Variants in POMT2 observed in about 807,000 individuals in gnomAD.
POMT2 encodes protein O-mannosyl-transferase 2.
Under a neutral mutation model 100.0 loss-of-function variants are expected in POMT2, and 75 were observed. The ratio of observed to expected loss-of-function variants is 0.75; its 90% CI spans 0.62 to 0.91. POMT2 has a LOEUF of 0.91. Ranked by LOEUF, POMT2 falls within the 40% of genes least tolerant of loss-of-function variation. The probability of loss-of-function intolerance (pLI) is 0.00; values close to 1 mark genes in which losing one functional copy is unlikely to be tolerated. For missense variants in POMT2, 940 were observed against 955.1 expected, an observed-to-expected ratio of 0.98 and a Z score of 0.21; for synonymous variants, 378 against 374.1, an observed-to-expected ratio of 1.01 and a Z score of -0.12.
At chr14:77,287,099 G>C (rs999444133) in intron 11 of POMT2, 3 of 472,608 alleles carry the variant, frequency 6.3e-6, no homozygotes, top group Non-Finnish European at 1.1e-5. Flanking sequence ...AGGGAGGTGG[G>C]GGGCGACTTT....
chr14:77,284,211 G>T (rs1890334812), intron 14 of POMT2: 18 of 371,808 alleles, frequency 4.8e-5, no homozygotes, highest in South Asian at 3.8e-4. Context: ...CCGAGTCACT[G>T]TGGCCCTTTG....
intron 12 of POMT2, among the ~76,000 whole-genome samples, chr14:77,286,513 G>A (rs1168818562): frequency 1.3e-5 from 2 of 152,210 alleles, no homozygotes; most frequent in Non-Finnish European, 2.9e-5. Context: ...ATCAGAGCAT[G>A]TAAATGGCAT....
At position 77,277,005 on chromosome 14, in the gene POMT2, A is replaced by G; in HGVS notation, c.*371T>C. The G allele has an allele frequency of 4.1e-6, 1 of 246,570 alleles. No homozygotes were observed. The highest frequency in any genetic ancestry group is 8.3e-5 in the East Asian group (1 of 11,992). 15.3% of individuals were successfully genotyped at this position (246,570 alleles called of 1,614,324 possible). The stretch of plus-strand genomic sequence containing the variant: ...ATATTACTATAGCCTGGACTATTTT[A>G]GAGTTTATGACACTCAGCTGTCCAG... On this transcript the variant is annotated 3_prime_UTR_variant, in exon 21 of 21. Transcript: ENST00000261534.
In POMT2 at chr14:77,280,396, T is replaced by A. The variant is rs142870987; in HGVS notation, c.1721A>T (p.Tyr574Phe). 5.0e-6 allele frequency: 8 copies of A among 1,613,950 alleles called. No homozygotes were observed. The African/African-American group carries it at 1.1e-4, about 22-fold the overall frequency. Residue 574 changes from tyrosine (Y) to phenylalanine (F), a missense_variant, in exon 16 of 21, where the codon TAT (tyrosine) becomes TTT (phenylalanine). Physicochemically the swap from Tyr to Phe is conservative, Grantham distance 22. Transcript: ENST00000261534. Reference protein sequence around the residue: ...TSKPWHWPINYQGLRFSGVND... With the variant: ...TSKPWHWPINFQGLRFSGVND... ...AGCCCCAGCCTTGGATCCTACCTGA[T>A]AGTTGATAGGCCAGTGCCAGGGTTT...
At chr14:77,296,347 G>GA in intron 8 of POMT2, 74 bp from the exon 9 acceptor site, 1 of 1,020,826 alleles carries the variant, frequency 9.8e-7, no homozygotes, top group Non-Finnish European at 1.5e-6. Flanking sequence ...GAGGAGCCTC[G>GA]GAAGCCACAG....
At chr14:77,315,126 T>A (rs1423017330) in intron 1 of POMT2, among the ~76,000 whole-genome samples, 1 of 151,880 alleles carries the variant, frequency 6.6e-6, no homozygotes, top group Non-Finnish European at 1.5e-5. Flanking sequence ...AGGTCCCACA[T>A]CTCCACCCTA....
At chr14:77,300,289 C>G (rs1890973533) in intron 6 of POMT2, 1 of 155,292 alleles carries the variant, frequency 6.4e-6, no homozygotes, top group African/African-American at 2.4e-5. Flanking sequence ...CTCCTAGATA[C>G]ACCTCTCACT....
At chr14:77,306,600 A>G in intron 2 of POMT2, 159 bp from the exon 3 acceptor site, 1 of 724,876 alleles carries the variant, frequency 1.4e-6, no homozygotes, top group Non-Finnish European at 2.3e-6. Context: ...CAGCTGCCAC[A>G]GAGCAAAGAA....
intron 1 of POMT2, among the ~76,000 whole-genome samples, chr14:77,318,781 G>A (rs1305471709): frequency 6.7e-6 from 1 of 148,974 alleles, no homozygotes; most frequent in African/African-American, 2.5e-5. Context: ...TGTCGCCTAG[G>A]CTGGAATGCA....
chr14:77,287,305 T>G lies in POMT2; in HGVS notation c.1254-483A>C, dbSNP rs140788109. The G allele has an allele frequency of 6.0e-3, 941 of 156,712 alleles. 10 individuals carry two copies. The highest frequency in any genetic ancestry group is 0.021 in the African/African-American group (891 of 41,636). The allele number at this position is 156,712 out of a possible 1,614,324, so 9.7% of individuals were successfully genotyped here. A position where few individuals can be genotyped will look rare whatever the true frequency, so the allele number is the denominator to read the frequency against. On this transcript the variant is annotated intron_variant, in intron 11 of 20. Transcript: ENST00000261534. ...GATGAGAGGGGTTTAATTTAGCTTT[T>G]ATTTAGTTTTATATAACAACTCTCA... is the stretch of plus-strand genomic sequence containing the variant.
chr14:77,280,160 C>T, intron 16 of POMT2, 80 bp from the exon 17 acceptor site: 1 of 1,608,922 alleles, frequency 6.2e-7, no homozygotes, highest in Non-Finnish European at 8.5e-7. Context: ...AGATGGTCAC[C>T]TTCCACAGAC....
intron 13 of POMT2, 140 bp from the exon 14 acceptor site, chr14:77,285,181 C>A: frequency 1.2e-6 from 1 of 844,470 alleles, no homozygotes. Flanking sequence ...CCATGTTGGA[C>A]AACTATCCTA....
intron 20 of POMT2, 158 bp downstream of exon 20, chr14:77,278,236 T>G (rs1316452049): frequency 1.5e-6 from 1 of 679,938 alleles, no homozygotes; most frequent in East Asian, 2.7e-5. Context: ...CCTGGGGGAC[T>G]CTGGAAACCA....
rs138170840 is a variant in POMT2, at chr14:77,297,112, C to T, written c.1007-839G>A. 2.5e-3 allele frequency among the ~76,000 whole-genome samples: 377 copies of T among 152,342 alleles called. 2 individuals are homozygous for T. The highest frequency in any genetic ancestry group is 8.3e-3 in the African/African-American group (344 of 41,572). On this transcript the variant is annotated intron_variant, in intron 8 of 20. Transcript: ENST00000261534. The stretch of plus-strand genomic sequence containing the variant: ...AGGATTAAAGAGAGGACGACTTGAT[C>T]GAAGAGGTGACAGCTGAACTAGGCC...
intron 8 of POMT2, 134 bp downstream of exon 8, chr14:77,298,555 G>C (rs1308994809): frequency 1.1e-6 from 1 of 913,880 alleles, no homozygotes; most frequent in South Asian, 1.4e-5. Context: ...ATTTTCACCA[G>C]ATCTATCTGG....
chr14:77,288,498 C>G (rs926563363), intron 11 of POMT2, among the ~76,000 whole-genome samples: 1 of 151,856 alleles, frequency 6.6e-6, no homozygotes, highest in African/African-American at 2.4e-5. Flanking sequence ...TAGTGAGACT[C>G]TGTCTCAAAA....
chr14:77,313,627 A>T (rs1891519284), intron 1 of POMT2, among the ~76,000 whole-genome samples: 1 of 152,248 alleles, frequency 6.6e-6, no homozygotes, highest in Non-Finnish European at 1.5e-5. Flanking sequence ...CTGTCCTGAC[A>T]TTTGTGGTTA....
chr14:77,278,341 G>A (rs1785650624), intron 20 of POMT2, 53 bp downstream of exon 20: 5 of 1,345,900 alleles, frequency 3.7e-6, no homozygotes, highest in Admixed American at 3.9e-5. Context: ...CATCAGGGCT[G>A]AGGCACTGCT....
At chr14:77,284,257 G>A (rs761860722) in intron 14 of POMT2, 39 of 314,716 alleles carry the variant, frequency 1.2e-4, no homozygotes, top group Middle Eastern at 1.1e-3. Flanking sequence ...CATTCTGGAC[G>A]CCTGGAGCAG....
Sources: allele counts gnomAD v4.1 joint callset (sites outside exome capture counted in the v4.1 genomes callset), GRCh38; gene constraint gnomAD v4.1.1; transcripts MANE v1.5; gene names NCBI Gene and HGNC (gene_info 2026-07-23, HGNC 2026-07-21).